The following CPA6 variants were observed in gnomAD, a reference collection of about 807,000 sequenced individuals.
CPA6 encodes the protein carboxypeptidase B.
A neutral mutation model predicts 63.3 loss-of-function variants in CPA6; 58 were observed. The ratio of observed to expected loss-of-function variants is 0.92; its 90% CI spans 0.74 to 1.14. The LOEUF is 1.14. Ranked by LOEUF, CPA6 falls within the 50% of genes most tolerant of loss-of-function variation. The pLI, the probability that CPA6 is intolerant of heterozygous loss-of-function variation, is 0.00. For missense variants in CPA6, 565 were observed against 526.6 expected, an observed-to-expected ratio of 1.07 and a Z score of -0.71; for synonymous variants, 185 against 179.0, an observed-to-expected ratio of 1.03 and a Z score of -0.27.
intron 8 of CPA6, among the ~76,000 whole-genome samples, chr8:67,469,792 G>A (rs934990358): frequency 2.0e-5 from 3 of 152,094 alleles, no homozygotes; most frequent in African/African-American, 7.2e-5. Context: ...TAAACACGCT[G>A]TCTCTCTCTA....
intron 8 of CPA6, among the ~76,000 whole-genome samples, chr8:67,448,656 G>GAAAAAAAAA (rs1810485855): frequency 1.5e-5 from 1 of 68,798 alleles, no homozygotes; most frequent in African/African-American, 8.9e-5. Context: ...AAAAAAAAAG[G>GAAAAAAAAA]AAAGAACGAA....
chr8:67,565,370 A>C (rs1813312678), intron 2 of CPA6, among the ~76,000 whole-genome samples: 1 of 152,188 alleles, frequency 6.6e-6, no homozygotes, highest in African/African-American at 2.4e-5. Context: ...TGCGATTAAA[A>C]AACCCCATAC....
At chr8:67,513,921 C>T (rs950357000) in intron 3 of CPA6, among the ~76,000 whole-genome samples, 1 of 152,070 alleles carries the variant, frequency 6.6e-6, no homozygotes, top group Non-Finnish European at 1.5e-5. Context: ...AAAACCACCT[C>T]CCCAAAGTTT....
At position 67,637,510 on chromosome 8, in the gene CPA6, A is replaced by G. The variant is rs376754095; in HGVS notation, c.117-13259T>C. Among the ~76,000 whole-genome samples, 13 of 151,648 alleles carry G rather than the reference A, an allele frequency of 8.6e-5. No homozygotes were observed. In the East Asian group the frequency reaches 2.3e-3, roughly 27 times the overall value. On this transcript the variant is annotated intron_variant, in intron 1 of 10. Coordinates refer to ENST00000297770, the MANE Select transcript of CPA6 (RefSeq NM_020361.5). ...CTTTCTTGTTGTATTTAAGGATGGG[A>G]CTCAGTCTGAGAAAAATGTTTCCAC...
chr8:67,582,375 T>C (rs1422329240), intron 2 of CPA6, among the ~76,000 whole-genome samples: 2 of 152,200 alleles, frequency 1.3e-5, no homozygotes, highest in East Asian at 1.9e-4. Flanking sequence ...ATAATGCCGA[T>C]GTTTCAGGTT....
intron 3 of CPA6, among the ~76,000 whole-genome samples, chr8:67,515,778 C>T (rs1812132091): frequency 6.6e-6 from 1 of 152,128 alleles, no homozygotes; most frequent in Non-Finnish European, 1.5e-5. Context: ...CACAACACTC[C>T]CCTTCAATAA....
chr8:67,557,416 T>G (rs1813088869), intron 2 of CPA6, among the ~76,000 whole-genome samples: 1 of 152,226 alleles, frequency 6.6e-6, no homozygotes, highest in African/African-American at 2.4e-5. Flanking sequence ...AGCTTCCATT[T>G]CACTCCTTGA....
chr8:67,683,336 C>A (rs981415657), intron 1 of CPA6, among the ~76,000 whole-genome samples: 1 of 152,176 alleles, frequency 6.6e-6, no homozygotes, highest in East Asian at 1.9e-4. Flanking sequence ...CTTAATTTGC[C>A]TCATCATATC....
chr8:67,621,324 AC>A (rs1815076742), intron 2 of CPA6, among the ~76,000 whole-genome samples: 1 of 152,074 alleles, frequency 6.6e-6, no homozygotes, highest in East Asian at 1.9e-4. Context: ...TCCTTATGCA[AC>A]CCATTGAATG....
intron 1 of CPA6, among the ~76,000 whole-genome samples, chr8:67,628,553 T>G (rs1176446906): frequency 6.6e-6 from 1 of 152,274 alleles, no homozygotes; most frequent in Non-Finnish European, 1.5e-5. Context: ...TTGTAGCCAC[T>G]GTTAACAGTT....
intron 8 of CPA6, among the ~76,000 whole-genome samples, chr8:67,475,786 TTTC>T (rs1563967298): frequency 1.6e-5 from 1 of 62,110 alleles, no homozygotes; most frequent in African/African-American, 1.1e-4. Flanking sequence ...TCTTTCTTTC[TTTC>T]TTTCTTTCTT....
chr8:67,726,382 C>T (rs1259521362), intron 1 of CPA6, among the ~76,000 whole-genome samples: 2 of 152,082 alleles, frequency 1.3e-5, no homozygotes, highest in Admixed American at 1.3e-4. Flanking sequence ...AAAAAATAGC[C>T]CCTAGCCTTC....
chr8:67,689,560 A>C (rs1467118907), intron 1 of CPA6, among the ~76,000 whole-genome samples: 5 of 152,206 alleles, frequency 3.3e-5, no homozygotes, highest in Non-Finnish European at 7.3e-5. Flanking sequence ...TTTGTTTAGG[A>C]TAATCACCTC....
At chr8:67,590,687 C>G (rs1307833408) in intron 2 of CPA6, among the ~76,000 whole-genome samples, 1 of 152,052 alleles carries the variant, frequency 6.6e-6, no homozygotes, top group Non-Finnish European at 1.5e-5. Context: ...TAAATGTCTT[C>G]TTTTGAGAAG....
chr8:67,490,551 G>A (rs1051115042), intron 6 of CPA6, among the ~76,000 whole-genome samples: 1 of 152,114 alleles, frequency 6.6e-6, no homozygotes, highest in Non-Finnish European at 1.5e-5. Context: ...TCAATTAAAA[G>A]ATACTAAGGA....
chr8:67,507,752 G>A (rs1230748263), intron 5 of CPA6, among the ~76,000 whole-genome samples: 1 of 152,092 alleles, frequency 6.6e-6, no homozygotes, highest in African/African-American at 2.4e-5. Flanking sequence ...GTGTTATGTT[G>A]AATTTTCCTA....
chr8:67,600,427 C>G (rs1322874352), intron 2 of CPA6, among the ~76,000 whole-genome samples: 1 of 152,008 alleles, frequency 6.6e-6, no homozygotes, highest in Admixed American at 6.6e-5. Flanking sequence ...AGAAATAGTT[C>G]AAAAGATCTA....
intron 8 of CPA6, among the ~76,000 whole-genome samples, chr8:67,442,994 C>T (rs986056883): frequency 2.0e-5 from 3 of 152,100 alleles, no homozygotes; most frequent in African/African-American, 7.2e-5. Flanking sequence ...CTCTTCCAGC[C>T]CCATCCTTCT....
chr8:67,472,402 T>C (rs80212243), intron 8 of CPA6, among the ~76,000 whole-genome samples: 13 of 108,664 alleles, frequency 1.2e-4, no homozygotes, highest in South Asian at 7.0e-4. Flanking sequence ...TTTATTTTAT[T>C]TTATCTTATC....
Sources: gnomAD v4.1 joint callset for allele counts (sites outside exome capture counted in the v4.1 genomes callset) on GRCh38, gnomAD v4.1.1 for gene constraint, MANE v1.5 for transcripts, NCBI Gene and HGNC (gene_info 2026-07-23, HGNC 2026-07-21) for gene names.